Variants in CCT3 observed in about 807,000 individuals in gnomAD.
The protein encoded by CCT3 is T-complex protein 1 subunit gamma.
Under a neutral mutation model 65.3 loss-of-function variants are expected in CCT3, and 10 were observed. That is an observed-to-expected ratio of 0.15 (90% CI 0.09 to 0.26). The LOEUF is 0.26. Among genes scored for constraint, CCT3 ranks in the 10% least tolerant of loss-of-function variants. The pLI is 1.00. For missense variants in CCT3, 626 were observed against 708.7 expected (o/e 0.88, Z 1.33); for synonymous variants, 225 against 242.3 (o/e 0.93, Z 0.66).
intron 5 of CCT3, among the ~76,000 whole-genome samples, chr1:156,330,223 C>A (rs777403305): frequency 6.6e-6 from 1 of 152,168 alleles, no homozygotes; most frequent in African/African-American, 2.4e-5. Context: ...TGAAATCTTT[C>A]CTCCCTCCTC....
At position 156,309,086 on chromosome 1, in the gene CCT3, C is replaced by T. The variant is rs1357013027; in HGVS notation, c.*113G>A. On this transcript the variant is annotated 3_prime_UTR_variant, in exon 14 of 14. Transcript: ENST00000295688. ...TGGGACAGAAAGGGACTGGGGGCTG[C>T]CCCCCAACCTGATCCCTTCTGAACA... 10 of 714,030 alleles carry T rather than the reference C, an allele frequency of 1.4e-5. No homozygotes were observed. Among genetic ancestry groups the T allele is most frequent in the African/African-American group, 1.8e-5 (1 of 56,718 alleles). The allele number at this position is 714,030 out of a possible 1,614,324, so 44.2% of individuals were successfully genotyped here. A position where few individuals can be genotyped will look rare whatever the true frequency, so the allele number is the denominator to read the frequency against.
At chr1:156,319,262 G>A (rs952498611) in intron 7 of CCT3, among the ~76,000 whole-genome samples, 3 of 150,360 alleles carry the variant, frequency 2.0e-5, no homozygotes, top group South Asian at 2.1e-4. Context: ...ACAGGCGCCC[G>A]CCACCACACC....
chr1:156,336,798 T>C (rs1665395063), intron 1 of CCT3, among the ~76,000 whole-genome samples: 1 of 152,092 alleles, frequency 6.6e-6, no homozygotes, highest in African/African-American at 2.4e-5. Context: ...TCCAGTCCCA[T>C]CAAACCAAAA....
At chr1:156,337,951 GAAT>G (rs1374846178) in intron 1 of CCT3, among the ~76,000 whole-genome samples, 200 bp downstream of exon 1, 1 of 152,166 alleles carries the variant, frequency 6.6e-6, no homozygotes, top group Non-Finnish European at 1.5e-5. Context: ...GGCTCGGCGA[GAAT>G]AAGGCCAGTT....
chr1:156,338,215 G>C lies in CCT3; in HGVS notation c.-31C>G. On this transcript the variant is annotated 5_prime_UTR_variant, in exon 1 of 14. Coordinates refer to ENST00000295688, the MANE Select transcript of CCT3 (RefSeq NM_005998.5). The stretch of plus-strand genomic sequence containing the variant: ...CGCGATGCAGAGCCGGGTACCCAGA[G>C]CTGGGGGAACCGGCAGAACCTTCTG... 3 of 1,578,432 alleles carry C rather than the reference G, an allele frequency of 1.9e-6. No homozygotes were observed. The highest frequency in any genetic ancestry group is 1.9e-5 in the Admixed American group (1 of 52,192).
intron 7 of CCT3, among the ~76,000 whole-genome samples, chr1:156,319,591 G>A (rs1344657680): frequency 2.0e-5 from 3 of 152,072 alleles, no homozygotes; most frequent in Admixed American, 6.6e-5. Context: ...GGGCTTATGA[G>A]CCAGGCACAG....
intron 7 of CCT3, among the ~76,000 whole-genome samples, chr1:156,320,022 C>G (rs1387327757): frequency 6.6e-5 from 10 of 152,164 alleles, no homozygotes; most frequent in Non-Finnish European, 1.3e-4. Flanking sequence ...AAGGTAACAA[C>G]AAAACTATTT....
chr1:156,337,729 G>A (rs978797627), intron 1 of CCT3: 14 of 206,788 alleles, frequency 6.8e-5, no homozygotes, highest in Non-Finnish European at 1.2e-4. Context: ...CCGTAATACA[G>A]ATTGAAACAT....
Position 156,317,436 on chromosome 1 carries a change from T to C in CCT3, c.871A>G (p.Ile291Val), listed in dbSNP as rs983543643. ...DIIQLKPDVV[I>V]TEKGISDLAQ... Reference sequence around the variant, plus strand: ...CCACCTGAGATGCCCTTTTCAGTGATGACCACATCGGGCTTCAGTTGGATA... The same window carrying C: ...CCACCTGAGATGCCCTTTTCAGTGACGACCACATCGGGCTTCAGTTGGATA... Residue 291 changes from isoleucine to valine, a missense_variant, in exon 9 of 14, where the codon ATC becomes GTC. Coordinates refer to ENST00000295688, the MANE Select transcript of CCT3 (RefSeq NM_005998.5). 6.2e-7 allele frequency: 1 copy of C among 1,613,274 alleles called. No individual in the cohort carries two copies. Among genetic ancestry groups the C allele is most frequent in the Non-Finnish European group, 8.5e-7 (1 of 1,179,264 alleles).
At chr1:156,326,253 CAGA>C (rs1397903910) in intron 5 of CCT3, among the ~76,000 whole-genome samples, 2 of 151,988 alleles carry the variant, frequency 1.3e-5, no homozygotes, top group African/African-American at 4.8e-5. Flanking sequence ...TCATTGAGCC[CAGA>C]AGGTCAAGGC....
chr1:156,326,146 A>C (rs899670331), intron 5 of CCT3, among the ~76,000 whole-genome samples: 1 of 151,858 alleles, frequency 6.6e-6, no homozygotes, highest in African/African-American at 2.4e-5. Context: ...CCAGCCTGAG[A>C]AACATAGCAA....
chr1:156,317,638 A>C (rs2101640297), intron 8 of CCT3, 91 bp from the exon 9 acceptor site: 2 of 1,207,704 alleles, frequency 1.7e-6, no homozygotes, highest in East Asian at 4.8e-5. Context: ...CACCTCTCCC[A>C]CGTATCTCAG....
At chr1:156,331,802 G>A (rs781049107) in intron 5 of CCT3, among the ~76,000 whole-genome samples, 1 of 152,084 alleles carries the variant, frequency 6.6e-6, no homozygotes, top group Non-Finnish European at 1.5e-5. Context: ...GGGAGGCAGA[G>A]GCGGGCAGAT....
intron 4 of CCT3, among the ~76,000 whole-genome samples, chr1:156,334,223 G>A (rs1665232199): frequency 1.4e-5 from 2 of 139,284 alleles, no homozygotes; most frequent in South Asian, 4.5e-4. Context: ...TGGGTGACAA[G>A]AGCGAGACTC....
intron 13 of CCT3, 85 bp from the exon 14 acceptor site, chr1:156,309,388 A>C (rs771299900): frequency 2.3e-6 from 2 of 859,254 alleles, no homozygotes; most frequent in Non-Finnish European, 3.9e-6. Flanking sequence ...CCTAGATGCT[A>C]CTATGGAACT....
intron 9 of CCT3, 77 bp downstream of exon 9, chr1:156,317,338 C>A: frequency 6.3e-7 from 1 of 1,593,266 alleles, no homozygotes; most frequent in Non-Finnish European, 8.6e-7. Flanking sequence ...ACGCCCCTGC[C>A]AAACATGAGG....
chr1:156,329,452 C>T (rs528124919), intron 5 of CCT3, among the ~76,000 whole-genome samples: 50 of 151,868 alleles, frequency 3.3e-4, no homozygotes, highest in Non-Finnish European at 5.9e-4. Context: ...ACTACAGGCA[C>T]GCGCCACCAT....
At position 156,311,071 on chromosome 1, in the gene CCT3, T is replaced by C. The variant is rs1455894708; in HGVS notation, c.1280A>G (p.Lys427Arg). 6.2e-7 allele frequency: 1 copy of C among 1,614,072 alleles called. No homozygotes were observed. Among genetic ancestry groups the C allele is most frequent in the Non-Finnish European group, 8.5e-7 (1 of 1,180,008 alleles). ...AVAHALTEKSKAMTGVEQWPY... is the reference protein window; with the variant it reads ...AVAHALTEKSRAMTGVEQWPY... ...CCATTGTTCCACACCAGTCATGGCC[T>C]TGGATTTTTCTGTCAAGGCATGGGC... Residue 427 changes from lysine (K) to arginine (R), a missense_variant, in exon 12 of 14, where the codon AAG (lysine) becomes AGG (arginine). By Grantham distance (26) the Lys-to-Arg change is conservative. Transcript: ENST00000295688.
chr1:156,309,842 G>A (rs890389199), intron 13 of CCT3, among the ~76,000 whole-genome samples: 3 of 151,118 alleles, frequency 2.0e-5, no homozygotes, highest in African/African-American at 7.3e-5. Flanking sequence ...TTCGAGACCA[G>A]CCCGGCCAAC....
Sources: allele counts gnomAD v4.1 joint callset (sites outside exome capture counted in the v4.1 genomes callset), GRCh38; gene constraint gnomAD v4.1.1; transcripts MANE v1.5; gene names NCBI Gene and HGNC (gene_info 2026-07-23, HGNC 2026-07-21).